MAML1: variants seen among roughly 807,000 people sequenced by gnomAD.
The protein encoded by MAML1 is mastermind like transcriptional coactivator 1.
MAML1 carries 14 observed loss-of-function variants against 77.1 expected under a neutral mutation model. The ratio of observed to expected loss-of-function variants is 0.18; its 90% CI spans 0.12 to 0.28. The LOEUF is 0.28. Among genes scored for constraint, MAML1 ranks in the 10% least tolerant of loss-of-function variants. The pLI is 1.00. For missense variants in MAML1, 1,217 were observed against 1,327.8 expected (o/e 0.92, Z 1.30); for synonymous variants, 516 against 551.9 (o/e 0.93, Z 0.91).
At chr5:179,741,380 A>G (rs1002783865) in intron 1 of MAML1, among the ~76,000 whole-genome samples, 1 of 152,028 alleles carries the variant, frequency 6.6e-6, no homozygotes, top group African/African-American at 2.4e-5. Flanking sequence ...TGAAGTTTGG[A>G]AGGCTTTAAA....
Position 179,777,174 on chromosome 5 carries a change from A to G in MAML1, c.*2297A>G, listed in dbSNP as rs533115762. 55 of 982,246 alleles carry G rather than the reference A, an allele frequency of 5.6e-5. No individual in the cohort carries two copies. The African/African-American group carries it at 8.0e-4, about 14-fold the overall frequency. 60.8% of individuals were successfully genotyped at this position (982,246 alleles called of 1,614,324 possible). ...GTCATCAAAAGTTCATAAAAGTCCT[A>G]TTAATCCCCATATTCTTCTACTGCC... On this transcript the variant is annotated 3_prime_UTR_variant, in exon 5 of 5. Transcript: ENST00000292599.
In MAML1 at chr5:179,775,640, GCAGGACCC is replaced by G; in HGVS notation, c.*768_*775del. 2 of 985,426 alleles carry G rather than the reference GCAGGACCC, an allele frequency of 2.0e-6. No individual in the cohort carries two copies. The highest frequency in any genetic ancestry group is 9.4e-5 in the South Asian group (2 of 21,284). The allele number at this position is 985,426 out of a possible 1,614,324, so 61.0% of individuals were successfully genotyped here. ...AATCCCTTCCTCCCATGTCCTGGCAGCAGGACCCCAGGCTACATATGGAAGGTAGAGAT... is the reference window on the plus strand; with the variant it reads ...AATCCCTTCCTCCCATGTCCTGGCAGCAGGCTACATATGGAAGGTAGAGAT... On this transcript the variant is annotated 3_prime_UTR_variant, in exon 5 of 5. Coordinates refer to ENST00000292599, the MANE Select transcript of MAML1 (RefSeq NM_014757.5).
At position 179,774,593 on chromosome 5, in the gene MAML1, GCCCCTCAGCA is replaced by G; in HGVS notation, c.2768_2777del (p.Ala923GlyfsTer6). The G allele has an allele frequency of 6.2e-7, 1 of 1,612,424 alleles. No individual in the cohort carries two copies. Among genetic ancestry groups the G allele is most frequent in the Non-Finnish European group, 8.5e-7 (1 of 1,179,774 alleles). ...CCCTGCCCCAGCACCACCCCCAACA[GCCCCTCAGCA>G]GGGCTTGCCTGGCCTGAGCCCAGCA... On this transcript the variant is annotated frameshift_variant, in exon 5 of 5. Transcript: ENST00000292599. LOFTEE classifies it high-confidence loss of function.
At chr5:179,754,991 GAA>G (rs1181732872) in intron 1 of MAML1, among the ~76,000 whole-genome samples, 5 of 152,304 alleles carry the variant, frequency 3.3e-5, no homozygotes, top group South Asian at 2.1e-4. Flanking sequence ...AAGAGAGAAA[GAA>G]AAGAGTTGAT....
rs1437054990 is a variant in MAML1 at position 179,769,314 on chromosome 5, A to G, written c.1971+225A>G. On this transcript the variant is annotated intron_variant, in intron 3 of 4. Transcript: ENST00000292599. This position sits in a 1 kb window ranked among gnomAD's most constrained non-coding sequence, Gnocchi z 4.2. ...CGTGTCACTTAGTGGAGAGTACTCA[A>G]GGCAGACTCGGGGGCTAAAACTGTT... Among the ~76,000 whole-genome samples, 1 of 152,174 alleles carries G rather than the reference A, an allele frequency of 6.6e-6. No individual in the cohort carries two copies. Among genetic ancestry groups the G allele is most frequent in the Non-Finnish European group, 1.5e-5 (1 of 68,036 alleles).
In MAML1 at chr5:179,766,160, A is replaced by T. The variant is rs748102237; in HGVS notation, c.1150A>T (p.Ser384Cys). ...AGCCCTTGCAGGTGTGGTATTGCCC[A>T]GTCAGGGCCCAGGAGGGGCCTCAGA... ...QRALAGVVLP[S>C]QGPGGASELS... The change falls in exon 2 of 5, where the codon AGT (serine) becomes TGT (cysteine). Residue 384 changes from serine to cysteine, a missense_variant. Physicochemically the swap from Ser to Cys is moderately radical, Grantham distance 112. Coordinates refer to ENST00000292599, the MANE Select transcript of MAML1 (RefSeq NM_014757.5). The surrounding 1 kb of genome is among the most constrained non-coding windows in gnomAD (Gnocchi z 4.0). 14 of 1,583,082 alleles carry T rather than the reference A, an allele frequency of 8.8e-6. No individual in the cohort carries two copies. Among genetic ancestry groups the T allele is most frequent in the Non-Finnish European group, 1.2e-5 (14 of 1,166,002 alleles).
intron 1 of MAML1, among the ~76,000 whole-genome samples, chr5:179,744,561 G>C (rs895997083): frequency 6.6e-5 from 10 of 150,378 alleles, no homozygotes; most frequent in African/African-American, 2.5e-4. Context: ...TTTTTAGACG[G>C]AGTCTCACTC....
intron 1 of MAML1, among the ~76,000 whole-genome samples, chr5:179,758,500 C>T (rs896319251): frequency 6.6e-6 from 1 of 151,034 alleles, no homozygotes; most frequent in Non-Finnish European, 1.5e-5. Context: ...AAGTGTTCCT[C>T]TCACCTCAAC....
rs527602674 is a variant in MAML1, at chr5:179,771,227, G to A, written c.2052G>A (p.Gln684=). 2.3e-5 allele frequency: 37 copies of A among 1,614,054 alleles called. No individual in the cohort carries two copies. The highest frequency in any genetic ancestry group is 3.1e-5 in the Non-Finnish European group (36 of 1,180,004). Residue 684 remains glutamine (Q), a synonymous_variant, in exon 4 of 5, where the codon CAG becomes CAA. Coordinates refer to ENST00000292599, the MANE Select transcript of MAML1 (RefSeq NM_014757.5). The surrounding 1 kb of genome is among the most constrained non-coding windows in gnomAD (Gnocchi z 4.7). ...QDPTQGSFPQ[Q]VGQFTGSSAA... ...CGACACAAGGCAGCTTCCCACAGCAGGTTGGACAGTTCACAGGTAGGGGGT... is the reference window on the plus strand; with the variant it reads ...CGACACAAGGCAGCTTCCCACAGCAAGTTGGACAGTTCACAGGTAGGGGGT...
chr5:179,761,178 C>T (rs921456641), intron 1 of MAML1, among the ~76,000 whole-genome samples: 15 of 150,698 alleles, frequency 1.0e-4, no homozygotes, highest in Admixed American at 1.3e-4. Flanking sequence ...AGGGTCGCTT[C>T]GGCCCAGGAG....
At chr5:179,755,252 TAGTG>T (rs939453338) in intron 1 of MAML1, among the ~76,000 whole-genome samples, 2 of 152,188 alleles carry the variant, frequency 1.3e-5, no homozygotes, top group African/African-American at 4.8e-5. Flanking sequence ...TGCTTCCTGT[TAGTG>T]AGCAGAGAGA....
At chr5:179,753,597 A>G (rs1238973967) in intron 1 of MAML1, among the ~76,000 whole-genome samples, 1 of 150,466 alleles carries the variant, frequency 6.6e-6, no homozygotes, top group East Asian at 2.0e-4. Context: ...ACAGTAGTGG[A>G]TGAGATGAAT....
chr5:179,775,700 A>G lies in MAML1; in HGVS notation c.*823A>G, dbSNP rs1350967009. Reference sequence around the variant, plus strand: ...TGGGGGTCCTGTATCCTGGAGTATTATGTCTCCCCACCTTCTGCAGTTTTC... The same window carrying G: ...TGGGGGTCCTGTATCCTGGAGTATTGTGTCTCCCCACCTTCTGCAGTTTTC... On this transcript the variant is annotated 3_prime_UTR_variant, in exon 5 of 5. Coordinates refer to ENST00000292599, the MANE Select transcript of MAML1 (RefSeq NM_014757.5). 1.6e-5 allele frequency: 16 copies of G among 985,376 alleles called. No homozygotes were observed. The highest frequency in any genetic ancestry group is 1.9e-5 in the Non-Finnish European group (16 of 829,940). The allele number at this position is 985,376 out of a possible 1,614,324, so 61.0% of individuals were successfully genotyped here. A position where few individuals can be genotyped will look rare whatever the true frequency, so the allele number is the denominator to read the frequency against.
At chr5:179,745,025 C>T (rs1779352718) in intron 1 of MAML1, among the ~76,000 whole-genome samples, 1 of 151,922 alleles carries the variant, frequency 6.6e-6, no homozygotes, top group South Asian at 2.1e-4. Flanking sequence ...CCTCAGCCTC[C>T]CTTGTAGCTG....
intron 1 of MAML1, among the ~76,000 whole-genome samples, chr5:179,755,336 T>G (rs1215704977): frequency 6.6e-6 from 1 of 152,278 alleles, no homozygotes; most frequent in East Asian, 1.9e-4. Context: ...GGTGGGAAAG[T>G]TAACTGTGAA....
At position 179,766,641 on chromosome 5, in the gene MAML1, C is replaced by T. The variant is rs1198260485; in HGVS notation, c.1631C>T (p.Pro544Leu). 1 of 1,612,520 alleles carries T rather than the reference C, an allele frequency of 6.2e-7. No individual in the cohort carries two copies. Residue 544 changes from proline to leucine, a missense_variant, in exon 2 of 5, where the codon CCC becomes CTC. Physicochemically the swap from Pro to Leu is moderately conservative, Grantham distance 98. Around this residue, in one of 3 missense-constraint regions of MAML1, gnomAD observed 884 missense variants for 949.3 expected, o/e 0.93. Coordinates refer to ENST00000292599, the MANE Select transcript of MAML1 (RefSeq NM_014757.5). The surrounding 1 kb of genome is among the most constrained non-coding windows in gnomAD (Gnocchi z 4.0). ...AAGCCAGCCCTGATGGCTTATCTTC[C>T]CCAGCAGCTGTCCCATATAAGTCAC... Reference protein sequence around the residue: ...QSKPALMAYLPQQLSHISHEQ... With the variant: ...QSKPALMAYLLQQLSHISHEQ...
chr5:179,763,475 C>T lies in MAML1; in HGVS notation c.316-1851C>T, dbSNP rs181494421. ...CTGCGATTTTTTTTTTTTTTCAGACCGACTTAGTTACCCATATATGGATTT... is the reference window on the plus strand; with the variant it reads ...CTGCGATTTTTTTTTTTTTTCAGACTGACTTAGTTACCCATATATGGATTT... On this transcript the variant is annotated intron_variant, in intron 1 of 4. Coordinates refer to ENST00000292599, the MANE Select transcript of MAML1 (RefSeq NM_014757.5). Among the ~76,000 whole-genome samples, 4 of 151,016 alleles carry T rather than the reference C, an allele frequency of 2.6e-5. No homozygotes were observed. The East Asian group carries it at 5.8e-4, about 22-fold the overall frequency.
At chr5:179,770,482 TTTATG>T (rs1375835678) in intron 3 of MAML1, among the ~76,000 whole-genome samples, 1 of 152,176 alleles carries the variant, frequency 6.6e-6, no homozygotes, top group African/African-American at 2.4e-5. Context: ...ACATTTTATA[TTTATG>T]TTATGTCATT....
rs926136518 is a variant in MAML1, at chr5:179,765,899, A to G, written c.889A>G (p.Asn297Asp). ...ATQTPLAQDI[N>D]IKTEFSPAAF... is the part of the protein sequence containing the mutation. ...ACAAACCCCCTTGGCACAGGACATTAATATTAAGACGGAATTCTCTCCAGC... is the reference window on the plus strand; with the variant it reads ...ACAAACCCCCTTGGCACAGGACATTGATATTAAGACGGAATTCTCTCCAGC... The change falls in exon 2 of 5, where the codon AAT becomes GAT. Residue 297 changes from asparagine (N) to aspartate (D), a missense_variant. Asn to Asp is a conservative substitution (Grantham distance 23). Transcript: ENST00000292599. 1 of 1,613,942 alleles carries G rather than the reference A, an allele frequency of 6.2e-7. No homozygotes were observed. Among genetic ancestry groups the G allele is most frequent in the Admixed American group, 1.7e-5 (1 of 59,992 alleles).
Sources: gnomAD v4.1 joint callset for allele counts (sites outside exome capture counted in the v4.1 genomes callset) on GRCh38, gnomAD v4.1.1 for gene constraint, gnomAD v4.1.1 regional missense constraint, Gnocchi (gnomAD v3.1) non-coding constraint, MANE v1.5 for transcripts, NCBI Gene and HGNC (gene_info 2026-07-23, HGNC 2026-07-21) for gene names.